The following PLCG2 variants were observed in gnomAD, a reference collection of about 807,000 sequenced individuals.
PLCG2 encodes the protein 1-phosphatidylinositol 4,5-bisphosphate phosphodiesterase gamma-2.
Under a neutral mutation model 175.6 loss-of-function variants are expected in PLCG2, and 69 were observed. The ratio of observed to expected loss-of-function variants is 0.39; its 90% CI spans 0.32 to 0.48. PLCG2 has a LOEUF of 0.48. PLCG2 is among the 20% of genes least tolerant of loss of function. The pLI is 0.91. For synonymous variants in PLCG2, 827 were observed against 624.0 expected (o/e 1.33, Z -4.85); for missense variants, 1,798 against 1,650.9 (o/e 1.09, Z -1.54).
chr16:81,749,608 C>A (rs1218247886), intron 1 of PLCG2, among the ~76,000 whole-genome samples: 2 of 152,184 alleles, frequency 1.3e-5, no homozygotes, highest in Admixed American at 1.3e-4. Context: ...TCCGCCTTGG[C>A]CTCCCAAACT....
chr16:81,906,331 C>G (rs1311822882), intron 15 of PLCG2: 1 of 152,150 alleles, frequency 6.6e-6, no homozygotes, highest in Admixed American at 6.5e-5. Flanking sequence ...TGCCTCTATC[C>G]CTTTACCTAA....
intron 2 of PLCG2, among the ~76,000 whole-genome samples, chr16:81,794,863 C>G (rs1287029024): frequency 6.6e-6 from 1 of 152,218 alleles, no homozygotes; most frequent in Non-Finnish European, 1.5e-5. Context: ...GATGGATTGT[C>G]CTGCTCCCCC....
chr16:81,829,388 C>T (rs1905171522), intron 2 of PLCG2, among the ~76,000 whole-genome samples: 1 of 152,150 alleles, frequency 6.6e-6, no homozygotes, highest in Admixed American at 6.5e-5. Context: ...GGATTACAGG[C>T]GTGAGCCACC....
At chr16:81,861,061 ACC>A (rs1906956015) in intron 5 of PLCG2, among the ~76,000 whole-genome samples, 1 of 152,070 alleles carries the variant, frequency 6.6e-6, no homozygotes, top group African/African-American at 2.4e-5. Flanking sequence ...CAAAACCAAA[ACC>A]AAAACCAAAC....
chr16:81,955,045 A>C (rs370887643), intron 31 of PLCG2, among the ~76,000 whole-genome samples: 1 of 152,150 alleles, frequency 6.6e-6, no homozygotes, highest in African/African-American at 2.4e-5. Context: ...AATAGGGAGG[A>C]AAGTCATTAC....
intron 21 of PLCG2, among the ~76,000 whole-genome samples, chr16:81,922,813 C>T (rs923160408): frequency 6.6e-6 from 1 of 152,178 alleles, no homozygotes; most frequent in African/African-American, 2.4e-5. Context: ...TCATTTATGC[C>T]CGCCAGGCAG....
intron 2 of PLCG2, among the ~76,000 whole-genome samples, chr16:81,852,328 T>G (rs187924375): frequency 2.0e-5 from 3 of 152,244 alleles, no homozygotes; most frequent in African/African-American, 7.2e-5. Context: ...CCAGGGCACT[T>G]GGGTCATTCC....
chr16:81,752,062 A>G (rs56186417), intron 1 of PLCG2, among the ~76,000 whole-genome samples: 2,502 of 151,610 alleles, frequency 0.017, 71 homozygotes, highest in African/African-American at 0.056. Context: ...TGTATATAAT[A>G]TATATAAAAG....
chr16:81,925,205 C>A (rs920692140), intron 22 of PLCG2, among the ~76,000 whole-genome samples: 1 of 152,208 alleles, frequency 6.6e-6, no homozygotes, highest in Non-Finnish European at 1.5e-5. Flanking sequence ...GCAAACCGCC[C>A]AGCGGCTGTG....
chr16:81,881,585 G>A (rs2143570295), intron 8 of PLCG2, among the ~76,000 whole-genome samples: 1 of 152,318 alleles, frequency 6.6e-6, no homozygotes, highest in East Asian at 1.9e-4. Context: ...TTTTCCCTCT[G>A]TCACTTTTGA....
At chr16:81,911,329 C>G (rs1344185316) in intron 18 of PLCG2, among the ~76,000 whole-genome samples, 1 of 152,090 alleles carries the variant, frequency 6.6e-6, no homozygotes, top group African/African-American at 2.4e-5. Flanking sequence ...AACCCAAAAC[C>G]TTGTGAAACT....
chr16:81,839,996 G>T (rs1905735116), intron 2 of PLCG2, among the ~76,000 whole-genome samples: 1 of 152,224 alleles, frequency 6.6e-6, no homozygotes, highest in African/African-American at 2.4e-5. Context: ...GTTCAAGGAT[G>T]CAGTGAGCTG....
chr16:81,952,984 T>C (rs1461332022), intron 31 of PLCG2, among the ~76,000 whole-genome samples: 2 of 152,212 alleles, frequency 1.3e-5, no homozygotes, highest in African/African-American at 4.8e-5. Flanking sequence ...ATAAGGCAGG[T>C]TGAAATCACG....
At chr16:81,816,058 T>C (rs1904531308) in intron 2 of PLCG2, among the ~76,000 whole-genome samples, 1 of 38,408 alleles carries the variant, frequency 2.6e-5, no homozygotes, top group Admixed American at 3.5e-4. Context: ...CATGACTTCA[T>C]CTTTAAAAAA....
chr16:81,935,968 C>T (rs1910693875), intron 26 of PLCG2: 1 of 984,874 alleles, frequency 1.0e-6, no homozygotes, highest in Admixed American at 6.2e-5. Context: ...AAACTAGGCC[C>T]CTTTTTAATA....
rs1041620119 is a variant in PLCG2 at position 81,859,109 on chromosome 16, T to C, written c.432-7T>C. ...CTCTCTTTCTTTTGTCTCATATTTC[T>C]TTCCAGTTGGCTGAGAAAGCAGATA... On this transcript the variant is annotated splice_region_variant and splice_polypyrimidine_tract_variant and intron_variant, in intron 4 of 32. Transcript: ENST00000564138. The C allele has an allele frequency of 5.8e-6, 9 of 1,552,238 alleles. No homozygotes were observed. In the African/African-American group the frequency reaches 8.1e-5, roughly 14 times the overall value.
At chr16:81,766,679 C>A (rs899425567) in intron 2 of PLCG2, 2 of 152,258 alleles carry the variant, frequency 1.3e-5, no homozygotes, top group Admixed American at 1.3e-4. Context: ...GAAGAGCCAT[C>A]GGTATTTTGT....
intron 2 of PLCG2, among the ~76,000 whole-genome samples, chr16:81,772,169 A>C (rs1910295870): frequency 6.6e-6 from 1 of 152,152 alleles, no homozygotes; most frequent in Admixed American, 6.5e-5. Flanking sequence ...CAATCAGAGG[A>C]CTGGTGTTCT....
Position 81,891,667 on chromosome 16 carries a change from C to G in PLCG2, c.986+77C>G, listed in dbSNP as rs181140433. The G allele has an allele frequency of 9.2e-5, 75 of 811,806 alleles. No individual in the cohort carries two copies. The African/African-American group carries it at 1.1e-3, about 12-fold the overall frequency. The allele number at this position is 811,806 out of a possible 1,614,324, so 50.3% of individuals were successfully genotyped here. ...GTTGAGGCAGGGGTCCGATACGCCG[C>G]TCCGGTGAGCCCTGTTGTGAAGCAG... On this transcript the variant is annotated intron_variant, in intron 11 of 32. Transcript: ENST00000564138.
Sources: gnomAD v4.1 joint callset for allele counts (sites outside exome capture counted in the v4.1 genomes callset) on GRCh38, gnomAD v4.1.1 for gene constraint, MANE v1.5 for transcripts, NCBI Gene and HGNC (gene_info 2026-07-23, HGNC 2026-07-21) for gene names.